Variants in TAFA5 observed in about 807,000 individuals in gnomAD.
TAFA5 encodes TAFA chemokine like family member 5.
Under a neutral mutation model 15.3 loss-of-function variants are expected in TAFA5, and 6 were observed. The ratio of observed to expected loss-of-function variants is 0.39; its 90% CI spans 0.21 to 0.77. TAFA5 has a LOEUF of 0.77. Among genes scored for constraint, TAFA5 ranks in the 30% least tolerant of loss-of-function variants. The pLI is 0.41. For missense variants in TAFA5, 161 were observed against 193.1 expected (o/e 0.83, Z 0.98); for synonymous variants, 103 against 80.7 (o/e 1.28, Z -1.48).
chr22:48,555,943 G>T (rs529142921), intron 1 of TAFA5, among the ~76,000 whole-genome samples: 1 of 152,300 alleles, frequency 6.6e-6, no homozygotes, highest in East Asian at 1.9e-4. Context: ...CTGCTCCCCT[G>T]CCCCAGCCAG....
chr22:48,579,493 C>G (rs778032202), intron 1 of TAFA5, among the ~76,000 whole-genome samples: 211 of 152,292 alleles, frequency 1.4e-3, no homozygotes, highest in Non-Finnish European at 2.0e-3. Context: ...ATCCCAGGAC[C>G]CTGATGGAAG....
At chr22:48,521,324 G>A (rs1314206094) in intron 1 of TAFA5, among the ~76,000 whole-genome samples, 2 of 152,170 alleles carry the variant, frequency 1.3e-5, no homozygotes, top group Admixed American at 6.5e-5. Flanking sequence ...AGGAGTGGAA[G>A]GTTCCAGATC....
At chr22:48,736,975 A>G (rs1054844083) in intron 3 of TAFA5, among the ~76,000 whole-genome samples, 7 of 152,332 alleles carry the variant, frequency 4.6e-5, no homozygotes, top group African/African-American at 1.7e-4. Flanking sequence ...TCATATCTCA[A>G]TAAAACTGCA....
intron 3 of TAFA5, among the ~76,000 whole-genome samples, chr22:48,745,984 G>A (rs1930317867): frequency 6.6e-6 from 1 of 152,190 alleles, no homozygotes; most frequent in Non-Finnish European, 1.5e-5. Flanking sequence ...ACTGTCCCGG[G>A]GAGAGAGGTG....
chr22:48,610,550 C>T (rs1016769295), intron 1 of TAFA5, among the ~76,000 whole-genome samples: 38 of 151,220 alleles, frequency 2.5e-4, no homozygotes, highest in Admixed American at 5.9e-4. Flanking sequence ...GGGGCAGGCT[C>T]GCAGGCAGCT....
At chr22:48,607,723 A>C (rs1165578169) in intron 1 of TAFA5, among the ~76,000 whole-genome samples, 2 of 152,194 alleles carry the variant, frequency 1.3e-5, no homozygotes. Context: ...AGTCAAGTGC[A>C]AAATGGGGGT....
chr22:48,659,764 G>A lies in TAFA5; in HGVS notation c.262+13018G>A, dbSNP rs1181236975. 1.1e-3 allele frequency among the ~76,000 whole-genome samples: 4 copies of A among 3,704 alleles called. No individual in the cohort carries two copies. The African/African-American group carries it at 0.032, about 30-fold the overall frequency. 2.4% of individuals were successfully genotyped at this position (3,704 alleles called of 152,430 possible). ...TTTTTGGTGGGGCTTGGCCTTTTTG[G>A]TGGGGAACAAGGACCAGCAGCCCCA... On this transcript the variant is annotated intron_variant, in intron 2 of 3. Coordinates refer to ENST00000402357, the MANE Select transcript of TAFA5 (RefSeq NM_001082967.3).
At chr22:48,630,293 A>G (rs1365013234) in intron 1 of TAFA5, among the ~76,000 whole-genome samples, 1 of 151,568 alleles carries the variant, frequency 6.6e-6, no homozygotes, top group Admixed American at 6.6e-5. Flanking sequence ...GCCCCAAGTT[A>G]CTCCCTGACC....
At chr22:48,551,857 C>A (rs1339324793) in intron 1 of TAFA5, among the ~76,000 whole-genome samples, 1 of 152,228 alleles carries the variant, frequency 6.6e-6, no homozygotes, top group Non-Finnish European at 1.5e-5. Flanking sequence ...CTGCCCCGCG[C>A]TTTCCCATGG....
At chr22:48,569,247 G>C (rs987838061) in intron 1 of TAFA5, among the ~76,000 whole-genome samples, 1 of 152,176 alleles carries the variant, frequency 6.6e-6, no homozygotes, top group African/African-American at 2.4e-5. Context: ...CACGGGCCGT[G>C]GATACTCAGA....
intron 3 of TAFA5, among the ~76,000 whole-genome samples, chr22:48,727,416 G>C (rs1929745802): frequency 6.6e-6 from 1 of 152,194 alleles, no homozygotes. Context: ...GAGAAATGAT[G>C]TAGTCATTAA....
chr22:48,581,689 A>ATG (rs1187778329), intron 1 of TAFA5, among the ~76,000 whole-genome samples: 3 of 152,140 alleles, frequency 2.0e-5, no homozygotes, highest in Admixed American at 6.5e-5. Flanking sequence ...GTGTGTGCAT[A>ATG]TGTGTGTGTG....
At chr22:48,631,187 G>A (rs1020709396) in intron 1 of TAFA5, among the ~76,000 whole-genome samples, 1 of 152,202 alleles carries the variant, frequency 6.6e-6, no homozygotes, top group Non-Finnish European at 1.5e-5. Context: ...GGAGAGGCAG[G>A]GGGCCCTTGG....
chr22:48,628,119 CT>C (rs1255851232), intron 1 of TAFA5, among the ~76,000 whole-genome samples: 2 of 152,002 alleles, frequency 1.3e-5, no homozygotes, highest in African/African-American at 4.8e-5. Flanking sequence ...TGGCCTGAGG[CT>C]CTGGTGGGTC....
rs1378634130 is a variant in TAFA5, at chr22:48,552,822, T to C, written c.112+63118T>C. 6.6e-6 allele frequency among the ~76,000 whole-genome samples: 1 copy of C among 152,084 alleles called. No homozygotes were observed. The highest frequency in any genetic ancestry group is 1.9e-4 in the East Asian group (1 of 5,152). ...GCTGGGATTGCACCTATATGGGGCT[T>C]CCAGGGCTCACCCCGAGGGAGGAGG... On this transcript the variant is annotated intron_variant, in intron 1 of 3. Coordinates refer to ENST00000402357, the MANE Select transcript of TAFA5 (RefSeq NM_001082967.3). The surrounding 1 kb of genome is among the most constrained non-coding windows in gnomAD (Gnocchi z 4.1).
chr22:48,637,863 T>C (rs1418496081), intron 1 of TAFA5, among the ~76,000 whole-genome samples: 1 of 151,946 alleles, frequency 6.6e-6, no homozygotes, highest in Non-Finnish European at 1.5e-5. Context: ...GCCTTTCTCC[T>C]TCCGGTTTAT....
At chr22:48,503,481 A>T (rs1401413089) in intron 1 of TAFA5, among the ~76,000 whole-genome samples, 3 of 152,244 alleles carry the variant, frequency 2.0e-5, no homozygotes, top group Non-Finnish European at 4.4e-5. Context: ...GGCTCCCCAC[A>T]TGGAGGAAAG....
At chr22:48,512,319 A>G (rs1921244368) in intron 1 of TAFA5, among the ~76,000 whole-genome samples, 1 of 152,222 alleles carries the variant, frequency 6.6e-6, no homozygotes, top group South Asian at 2.1e-4. Flanking sequence ...TTTAAAGAGA[A>G]TAACTGGCCG....
chr22:48,553,395 G>A (rs929747408), intron 1 of TAFA5, among the ~76,000 whole-genome samples: 4 of 152,176 alleles, frequency 2.6e-5, no homozygotes, highest in African/African-American at 7.2e-5. Context: ...CAGATTGCCC[G>A]GAGGCGCCCG....
Sources: gnomAD v4.1 joint callset for allele counts (sites outside exome capture counted in the v4.1 genomes callset) on GRCh38, gnomAD v4.1.1 for gene constraint, Gnocchi (gnomAD v3.1) non-coding constraint, MANE v1.5 for transcripts, NCBI Gene and HGNC (gene_info 2026-07-23, HGNC 2026-07-21) for gene names.